The following LY9 variants were observed in gnomAD, a reference collection of about 807,000 sequenced individuals.
LY9 encodes the protein lymphocyte antigen 9, also known as T-lymphocyte surface antigen Ly-9.
In LY9, 59 loss-of-function variants were observed where a neutral mutation model predicts 64.6. The ratio of observed to expected loss-of-function variants is 0.91; its 90% CI spans 0.74 to 1.13. The LOEUF (loss-of-function observed/expected upper bound fraction) is 1.13. Among genes scored for constraint, LY9 ranks in the 50% most tolerant of loss-of-function variants. LY9 has a pLI of 0.00. For synonymous variants in LY9, 281 were observed against 308.5 expected (o/e 0.91, Z 0.93); for missense variants, 789 against 797.2 (o/e 0.99, Z 0.12).
chr1:160,800,069 C>T lies in LY9; in HGVS notation c.441C>T (p.Thr147=). 6.2e-7 allele frequency: 1 copy of T among 1,612,338 alleles called. No homozygotes were observed. Among genetic ancestry groups the T allele is most frequent in the South Asian group, 1.1e-5 (1 of 90,950 alleles). ...AAGTCACCACTGAGGAGGAATTCAC[C>T]CTGTTCGTCTATGGTGAGTTCCAGA... ...NFEVTTEEEF[T]LFVYEQLQEP... Residue 147 remains threonine (T), a synonymous_variant, in exon 2 of 10, where the codon ACC becomes ACT. Coordinates refer to ENST00000263285, the MANE Select transcript of LY9 (RefSeq NM_002348.4).
chr1:160,818,720 A>G (rs904119467), intron 6 of LY9, among the ~76,000 whole-genome samples: 1 of 152,110 alleles, frequency 6.6e-6, no homozygotes, highest in African/African-American at 2.4e-5. Context: ...CGCTGAGGGA[A>G]GGGGTGGGAG....
chr1:160,799,728 C>T (rs749530640), intron 1 of LY9, 25 bp from the exon 2 acceptor site: 2 of 1,520,884 alleles, frequency 1.3e-6, no homozygotes, highest in Non-Finnish European at 9.0e-7. Flanking sequence ...AGCTGCTCCT[C>T]CAAGTCCCTC....
chr1:160,820,098 G>C (rs1668295028), intron 7 of LY9, among the ~76,000 whole-genome samples: 1 of 152,150 alleles, frequency 6.6e-6, no homozygotes, highest in South Asian at 2.1e-4. Flanking sequence ...TTTGAATGTG[G>C]ACTACAATGA....
chr1:160,810,006 G>C (rs1667344526), intron 2 of LY9: 1 of 152,100 alleles, frequency 6.6e-6, no homozygotes, highest in Admixed American at 6.5e-5. Context: ...TGGCCCCCGA[G>C]GAAGTTGGGA....
chr1:160,824,373 C>T (rs1571066332), intron 9 of LY9, 124 bp downstream of exon 9: 1 of 1,476,142 alleles, frequency 6.8e-7, no homozygotes, highest in Non-Finnish European at 9.0e-7. Context: ...CACTATGCAC[C>T]CCTCAGATAC....
intron 7 of LY9, among the ~76,000 whole-genome samples, chr1:160,820,339 T>C (rs568295752): frequency 1.3e-5 from 2 of 152,218 alleles, no homozygotes; most frequent in African/African-American, 4.8e-5. Context: ...TCCTAAAATT[T>C]CACCTTAAAC....
chr1:160,799,545 T>C, intron 1 of LY9: 1 of 529,144 alleles, frequency 1.9e-6, no homozygotes. Context: ...TCACAGATTG[T>C]TGTGGCTGCT....
chr1:160,815,452 T>C (rs762466868), intron 4 of LY9: 4 of 152,258 alleles, frequency 2.6e-5, no homozygotes, highest in African/African-American at 4.8e-5. Flanking sequence ...AGTGGCACGA[T>C]CTCAGCTCAC....
chr1:160,815,820 C>T (rs1442871252), intron 4 of LY9, among the ~76,000 whole-genome samples: 1 of 152,246 alleles, frequency 6.6e-6, no homozygotes, highest in African/African-American at 2.4e-5. Context: ...CCACTCAGTT[C>T]CCCTGGGGGT....
At chr1:160,796,343 T>C in intron 1 of LY9, 32 bp downstream of exon 1, 1 of 1,600,634 alleles carries the variant, frequency 6.2e-7, no homozygotes, top group Non-Finnish European at 8.5e-7. Flanking sequence ...CACTTCTTGC[T>C]ACTGCGGTTC....
intron 2 of LY9, among the ~76,000 whole-genome samples, chr1:160,804,167 G>A (rs11265488): frequency 0.37 from 56,131 of 152,062 alleles, 11,410 homozygotes; most frequent in Non-Finnish European, 0.47. Flanking sequence ...TATCTTGTTC[G>A]AGTTCTCAGA....
At chr1:160,814,823 G>T (rs1182576008) in intron 4 of LY9, 62 bp downstream of exon 4, 2 of 1,373,892 alleles carry the variant, frequency 1.5e-6, no homozygotes, top group Admixed American at 2.0e-5. Flanking sequence ...CTCCTCTGCT[G>T]CCTTCTCCAC....
At chr1:160,807,349 G>C (rs1341799824) in intron 2 of LY9, among the ~76,000 whole-genome samples, 1 of 152,210 alleles carries the variant, frequency 6.6e-6, no homozygotes, top group Non-Finnish European at 1.5e-5. Context: ...AGTGGTATCT[G>C]TGATTTCCTC....
rs527926218 is a variant in LY9 at position 160,801,460 on chromosome 1, C to A, written c.454+1378C>A. Among the ~76,000 whole-genome samples the A allele has an allele frequency of 2.6e-3, 397 of 152,258 alleles. 8 individuals carry two copies. In the South Asian group the frequency reaches 0.039, roughly 15 times the overall value. On this transcript the variant is annotated intron_variant, in intron 2 of 9. Coordinates refer to ENST00000263285, the MANE Select transcript of LY9 (RefSeq NM_002348.4). Reference sequence around the variant, plus strand: ...CCTTGTATGTTCTGGATATTACTTCCCTGTCAGATGAATAGTTTACAAATA... The same window carrying A: ...CCTTGTATGTTCTGGATATTACTTCACTGTCAGATGAATAGTTTACAAATA...
intron 2 of LY9, chr1:160,810,609 T>A (rs929843133): frequency 3.9e-5 from 6 of 152,216 alleles, no homozygotes; most frequent in African/African-American, 1.4e-4. Context: ...CATATGAATG[T>A]TGTGGGAGGA....
rs1028826148 is a variant in LY9, at chr1:160,819,258, G to A, written c.1445-63G>A. The A allele has an allele frequency of 9.5e-6, 12 of 1,262,016 alleles. No individual in the cohort carries two copies. The African/African-American group carries it at 1.6e-4, about 17-fold the overall frequency. 78.2% of individuals were successfully genotyped at this position (1,262,016 alleles called of 1,614,324 possible). On this transcript the variant is annotated intron_variant, in intron 6 of 9. Transcript: ENST00000263285. Reference sequence around the variant, plus strand: ...CTCCCCTTCTCATTTGACTCTCACAGAATAAAAGACACCTCTCACCTCACA... The same window carrying A: ...CTCCCCTTCTCATTTGACTCTCACAAAATAAAAGACACCTCTCACCTCACA...
chr1:160,814,840 C>A, intron 4 of LY9, 79 bp downstream of exon 4: 1 of 1,194,650 alleles, frequency 8.4e-7, no homozygotes, highest in Non-Finnish European at 1.2e-6. Context: ...CCACCTTCCG[C>A]TTCTCCAAGG....
At chr1:160,821,963 A>G (rs1296238495) in intron 7 of LY9, among the ~76,000 whole-genome samples, 1 of 152,172 alleles carries the variant, frequency 6.6e-6, no homozygotes, top group Non-Finnish European at 1.5e-5. Context: ...ATAAATACGG[A>G]TAGTTATTGT....
chr1:160,817,746 G>T (rs973753597), intron 5 of LY9, among the ~76,000 whole-genome samples: 1 of 152,134 alleles, frequency 6.6e-6, no homozygotes, highest in Admixed American at 6.5e-5. Flanking sequence ...AGCTGGTTTC[G>T]AACCCTGAGC....
Sources: gnomAD v4.1 joint callset for allele counts (sites outside exome capture counted in the v4.1 genomes callset) on GRCh38, gnomAD v4.1.1 for gene constraint, MANE v1.5 for transcripts, NCBI Gene and HGNC (gene_info 2026-07-23, HGNC 2026-07-21) for gene names.